CAMKMT: variants seen among roughly 807,000 people sequenced by gnomAD.
The protein encoded by CAMKMT is CaM KMT.
Under a neutral mutation model 48.0 loss-of-function variants are expected in CAMKMT, and 53 were observed. That is an observed-to-expected ratio of 1.10 (90% confidence interval 0.89 to 1.39). CAMKMT has a LOEUF of 1.39. Ranked by LOEUF, CAMKMT falls within the 40% of genes most tolerant of loss-of-function variation. The pLI is 0.00. For synonymous variants in CAMKMT, 165 were observed against 152.3 expected (o/e 1.08, Z -0.61); for missense variants, 428 against 402.7 (o/e 1.06, Z -0.54).
chr2:44,415,149 C>G (rs998053130), intron 3 of CAMKMT, among the ~76,000 whole-genome samples: 1 of 151,084 alleles, frequency 6.6e-6, no homozygotes, highest in Non-Finnish European at 1.5e-5. Flanking sequence ...GACTCCGTCT[C>G]GGAAAAAAGA....
At chr2:44,581,191 CTT>C (rs1165395735) in intron 3 of CAMKMT, among the ~76,000 whole-genome samples, 4 of 152,086 alleles carry the variant, frequency 2.6e-5, no homozygotes, top group Middle Eastern at 3.2e-3. Flanking sequence ...GAATTTGTCT[CTT>C]TGTAAGAATG....
intron 2 of CAMKMT, among the ~76,000 whole-genome samples, chr2:44,381,206 T>C (rs1032484626): frequency 4.6e-5 from 7 of 152,240 alleles, no homozygotes; most frequent in Non-Finnish European, 8.8e-5. Context: ...GCTTCAGTGA[T>C]AAGTTGAAAT....
At chr2:44,706,793 C>T (rs1201468408) in intron 5 of CAMKMT, among the ~76,000 whole-genome samples, 1 of 151,944 alleles carries the variant, frequency 6.6e-6, no homozygotes, top group East Asian at 1.9e-4. Flanking sequence ...CATTCAGGAA[C>T]GTCGTTCCCC....
chr2:44,567,908 G>A (rs1023410139), intron 3 of CAMKMT, among the ~76,000 whole-genome samples: 1 of 152,148 alleles, frequency 6.6e-6, no homozygotes, highest in Non-Finnish European at 1.5e-5. Context: ...TGCTTACTTA[G>A]CACTGGGGAA....
chr2:44,564,169 A>C (rs569188256), intron 3 of CAMKMT, among the ~76,000 whole-genome samples: 1 of 138,168 alleles, frequency 7.2e-6, no homozygotes, highest in African/African-American at 2.6e-5. Flanking sequence ...ATACTAGTTG[A>C]TCAGAACTTT....
At chr2:44,381,802 C>A (rs1004274476) in intron 2 of CAMKMT, among the ~76,000 whole-genome samples, 1 of 152,018 alleles carries the variant, frequency 6.6e-6, no homozygotes, top group Non-Finnish European at 1.5e-5. Flanking sequence ...AGGCTGCGTA[C>A]CAAAATTCTC....
At chr2:44,386,836 T>G (rs1028515993) in intron 2 of CAMKMT, among the ~76,000 whole-genome samples, 3 of 152,120 alleles carry the variant, frequency 2.0e-5, no homozygotes, top group African/African-American at 7.2e-5. Context: ...GAAGGTTCCT[T>G]TTGGAGTTGA....
chr2:44,677,410 A>G (rs1675768518), intron 3 of CAMKMT, among the ~76,000 whole-genome samples: 1 of 152,238 alleles, frequency 6.6e-6, no homozygotes, highest in East Asian at 1.9e-4. Flanking sequence ...TTTGTGGAGT[A>G]AGGGCATGCA....
chr2:44,766,256 T>C (rs962849889), intron 9 of CAMKMT, among the ~76,000 whole-genome samples, 174 bp from the exon 10 acceptor site: 1 of 152,240 alleles, frequency 6.6e-6, no homozygotes, highest in African/African-American at 2.4e-5. Flanking sequence ...TCTTATATGA[T>C]ATACATCTCT....
chr2:44,589,023 C>G lies in CAMKMT; in HGVS notation c.377-115260C>G, dbSNP rs1297224525. Among the ~76,000 whole-genome samples, 2 of 9,796 alleles carry G rather than the reference C, an allele frequency of 2.0e-4. 1 individual carries two copies. Among genetic ancestry groups the G allele is most frequent in the Non-Finnish European group, 4.1e-4 (2 of 4,892 alleles). The allele number at this position is 9,796 out of a possible 152,430, so 6.4% of individuals were successfully genotyped here. A position where few individuals can be genotyped will look rare whatever the true frequency, so the allele number is the denominator to read the frequency against. ...GAGGGAGGTGGGGGGGTCAGCCCCC[C>G]GCCCGGCCGGCCGCCCCATCCGGGA... On this transcript the variant is annotated intron_variant, in intron 3 of 10. Coordinates refer to ENST00000378494, the MANE Select transcript of CAMKMT (RefSeq NM_024766.5).
intron 6 of CAMKMT, among the ~76,000 whole-genome samples, chr2:44,713,580 C>T (rs984235210): frequency 6.6e-6 from 1 of 151,912 alleles, no homozygotes; most frequent in African/African-American, 2.4e-5. Flanking sequence ...GCAAATTAGT[C>T]TCTTTTATTT....
intron 3 of CAMKMT, among the ~76,000 whole-genome samples, chr2:44,425,043 A>G (rs1339861133): frequency 6.6e-6 from 1 of 152,248 alleles, no homozygotes; most frequent in African/African-American, 2.4e-5. Flanking sequence ...TCCTCCTGTA[A>G]TATTCACAAT....
chr2:44,540,705 T>A (rs1438289048), intron 3 of CAMKMT, among the ~76,000 whole-genome samples: 1 of 152,190 alleles, frequency 6.6e-6, no homozygotes, highest in Non-Finnish European at 1.5e-5. Context: ...GAGCTGTCAT[T>A]GTGCCACTGC....
chr2:44,518,864 C>T (rs1261751955), intron 3 of CAMKMT, among the ~76,000 whole-genome samples: 1 of 152,100 alleles, frequency 6.6e-6, no homozygotes, highest in Admixed American at 6.5e-5. Flanking sequence ...GCTGAAGAGA[C>T]AATGCTGAAG....
intron 7 of CAMKMT, among the ~76,000 whole-genome samples, chr2:44,740,418 C>T (rs1385118691): frequency 3.9e-5 from 6 of 152,108 alleles, no homozygotes; most frequent in Non-Finnish European, 7.4e-5. Context: ...GCATGAGCCA[C>T]CGTGCCCGGC....
In CAMKMT at chr2:44,424,268, C is replaced by T. The variant is rs559428583; in HGVS notation, c.376+33963C>T. Among the ~76,000 whole-genome samples, 27 of 151,994 alleles carry T rather than the reference C, an allele frequency of 1.8e-4. No homozygotes were observed. In the Middle Eastern group the frequency reaches 0.014, roughly 77 times the overall value. On this transcript the variant is annotated intron_variant, in intron 3 of 10. Transcript: ENST00000378494. ...GTCGCAGACAAAACCTCTTGGACAC[C>T]GGTTTTAGGAAGGAATGGGCTTTAG...
At chr2:44,706,180 A>C in intron 4 of CAMKMT, 107 bp from the exon 5 acceptor site, 11 of 991,416 alleles carry the variant, frequency 1.1e-5, no homozygotes, top group Non-Finnish European at 1.8e-5. Flanking sequence ...ACTTCCTGGT[A>C]GCGCCGTTCT....
intron 3 of CAMKMT, among the ~76,000 whole-genome samples, chr2:44,438,888 C>T (rs1666458704): frequency 1.3e-5 from 2 of 152,238 alleles, no homozygotes; most frequent in South Asian, 2.1e-4. Flanking sequence ...CTCTTATCTG[C>T]CCCTCCTACT....
intron 3 of CAMKMT, among the ~76,000 whole-genome samples, chr2:44,455,339 A>G (rs553693058): frequency 3.9e-5 from 6 of 152,214 alleles, no homozygotes; most frequent in South Asian, 4.1e-4. Flanking sequence ...ATGTGACTAC[A>G]TTTTTCTTTC....
Sources: gnomAD v4.1 joint callset for allele counts (sites outside exome capture counted in the v4.1 genomes callset) on GRCh38, gnomAD v4.1.1 for gene constraint, MANE v1.5 for transcripts, NCBI Gene and HGNC (gene_info 2026-07-23, HGNC 2026-07-21) for gene names.